AADAT: variants seen among roughly 807,000 people sequenced by gnomAD.
The protein encoded by AADAT is aminoadipate aminotransferase.
Under a neutral mutation model 56.2 loss-of-function variants are expected in AADAT, and 25 were observed. That is an observed-to-expected ratio of 0.44 (90% CI 0.32 to 0.62). The LOEUF (loss-of-function observed/expected upper bound fraction) is 0.62. Ranked by LOEUF, AADAT falls within the 20% of genes least tolerant of loss-of-function variation. AADAT has a pLI of 0.04. For synonymous variants in AADAT, 173 were observed against 164.7 expected (o/e 1.05, Z -0.39); for missense variants, 387 against 510.5 (o/e 0.76, Z 2.33).
chr4:170,085,529 C>T (rs182836111), intron 3 of AADAT, among the ~76,000 whole-genome samples: 5 of 152,232 alleles, frequency 3.3e-5, no homozygotes, highest in Admixed American at 1.3e-4. Flanking sequence ...AAGTTATTGA[C>T]GTATTTAGCA....
chr4:170,071,281 T>A (rs189144289), intron 5 of AADAT, among the ~76,000 whole-genome samples: 13 of 152,274 alleles, frequency 8.5e-5, no homozygotes, highest in African/African-American at 2.9e-4. Context: ...AGGGTAGCTA[T>A]TTCAGGTTCA....
intron 3 of AADAT, among the ~76,000 whole-genome samples, chr4:170,083,346 C>T (rs1585904): frequency 0.034 from 5,236 of 151,940 alleles, 316 homozygotes; most frequent in African/African-American, 0.12. Context: ...AAAATGGAAA[C>T]GCAATATACT....
rs1581602420 is a variant in AADAT, at chr4:170,089,783, A to C, written c.-93T>G. 1.6e-6 allele frequency: 2 copies of C among 1,286,272 alleles called. No individual in the cohort carries two copies. Among genetic ancestry groups the C allele is most frequent in the Admixed American group, 1.9e-5 (1 of 52,460 alleles). The allele number at this position is 1,286,272 out of a possible 1,614,324, so 79.7% of individuals were successfully genotyped here. A position where few individuals can be genotyped will look rare whatever the true frequency, so the allele number is the denominator to read the frequency against. On this transcript the variant is annotated 5_prime_UTR_variant, in exon 1 of 13. Coordinates refer to ENST00000337664, the MANE Select transcript of AADAT (RefSeq NM_016228.4). ...GTCAAGTCCTGCCTGCTAACTCCTC[A>C]CTCTGGCAACGCCACCGCGAGATGT...
intron 6 of AADAT, among the ~76,000 whole-genome samples, chr4:170,069,887 C>A (rs906602728): frequency 1.6e-4 from 25 of 151,994 alleles, no homozygotes; most frequent in African/African-American, 6.0e-4. Flanking sequence ...TTCTTTGCAG[C>A]CCTAAGAGCA....
chr4:170,083,488 G>A (rs1732411950), intron 3 of AADAT, among the ~76,000 whole-genome samples: 1 of 152,038 alleles, frequency 6.6e-6, no homozygotes, highest in African/African-American at 2.4e-5. Flanking sequence ...ACAACCTACA[G>A]GAGAGGAGAA....
rs373520837 is a variant in AADAT, at chr4:170,087,201, T to C, written c.284A>G (p.His95Arg). ...TGGGTAATGGATGGTAGGAGGATTA[T>C]GCAATTTTATTTGTAACTGTTTTAG... ...SWLKQLQIKL[H>R]NPPTIHYPPS... Residue 95 changes from histidine (H) to arginine (R), a missense_variant, in exon 3 of 13, where the codon CAT becomes CGT. Transcript: ENST00000337664. 1.9e-6 allele frequency: 3 copies of C among 1,614,170 alleles called. No homozygotes were observed. The highest frequency in any genetic ancestry group is 2.5e-6 in the Non-Finnish European group (3 of 1,180,026).
chr4:170,063,987 T>G (rs1327139940), intron 11 of AADAT, among the ~76,000 whole-genome samples: 1 of 151,862 alleles, frequency 6.6e-6, no homozygotes, highest in Non-Finnish European at 1.5e-5. Flanking sequence ...GAATACATTC[T>G]ATGAGCTAAT....
At chr4:170,089,285 T>C (rs568897960) in intron 1 of AADAT, 9 of 520,400 alleles carry the variant, frequency 1.7e-5, no homozygotes, top group Non-Finnish European at 2.6e-5. Context: ...TGTACACCCA[T>C]CTGCACGCTG....
intron 3 of AADAT, among the ~76,000 whole-genome samples, chr4:170,082,867 A>G (rs963868289): frequency 6.6e-6 from 1 of 152,032 alleles, no homozygotes; most frequent in Non-Finnish European, 1.5e-5. Flanking sequence ...TCAATTCAGC[A>G]AGATAATACA....
At chr4:170,084,928 GCA>G (rs375821421) in intron 3 of AADAT, among the ~76,000 whole-genome samples, 9 of 152,088 alleles carry the variant, frequency 5.9e-5, no homozygotes, top group Admixed American at 1.3e-4. Context: ...TCACTTACAC[GCA>G]CAGTTTCTTC....
chr4:170,074,000 A>G (rs909553858), intron 4 of AADAT, among the ~76,000 whole-genome samples: 2 of 152,110 alleles, frequency 1.3e-5, no homozygotes, highest in African/African-American at 4.8e-5. Context: ...CCTCTGCTCT[A>G]AGATTGACCA....
rs539653417 is a variant in AADAT at position 170,084,927 on chromosome 4, C to T, written c.369+2189G>A. ...TTTGAACTGCACAGGTTCACTTACACGCACAGTTTCTTCTGCCTCTGCCTC... is the reference window on the plus strand; with the variant it reads ...TTTGAACTGCACAGGTTCACTTACATGCACAGTTTCTTCTGCCTCTGCCTC... On this transcript the variant is annotated intron_variant, in intron 3 of 12. Transcript: ENST00000337664. Among the ~76,000 whole-genome samples the T allele has an allele frequency of 4.6e-5, 7 of 152,172 alleles. No individual in the cohort carries two copies. The South Asian group carries it at 6.2e-4, about 14-fold the overall frequency.
chr4:170,063,448 G>C (rs1731293583), intron 11 of AADAT, among the ~76,000 whole-genome samples: 1 of 152,176 alleles, frequency 6.6e-6, no homozygotes, highest in African/African-American at 2.4e-5. Flanking sequence ...CATATTTTGA[G>C]GATAATGGCA....
chr4:170,074,306 A>C (rs1731934414), intron 4 of AADAT, among the ~76,000 whole-genome samples: 1 of 152,110 alleles, frequency 6.6e-6, no homozygotes, highest in Admixed American at 6.5e-5. Context: ...CCTGTCACCC[A>C]GGTACTGAGC....
At chr4:170,081,557 C>T (rs1406384329) in intron 3 of AADAT, among the ~76,000 whole-genome samples, 2 of 152,118 alleles carry the variant, frequency 1.3e-5, no homozygotes, top group Middle Eastern at 6.8e-3. Flanking sequence ...TGAGAAGCAA[C>T]AAGACAAAAG....
intron 3 of AADAT, among the ~76,000 whole-genome samples, chr4:170,084,248 T>C (rs923937143): frequency 2.0e-5 from 3 of 151,942 alleles, no homozygotes; most frequent in Admixed American, 6.6e-5. Flanking sequence ...AGGAGGGAGA[T>C]AGGGTGAAGG....
At chr4:170,086,261 A>C (rs1561024750) in intron 3 of AADAT, among the ~76,000 whole-genome samples, 1 of 151,852 alleles carries the variant, frequency 6.6e-6, no homozygotes, top group Non-Finnish European at 1.5e-5. Context: ...AAAAAAAAGA[A>C]AGAAAAGAAA....
upstream of AADAT, chr4:170,090,585 C>T (rs1432401415): frequency 1.3e-5 from 2 of 152,040 alleles, no homozygotes; most frequent in African/African-American, 2.4e-5. Context: ...TAGTGTCTAC[C>T]CTCACATTGA....
rs998293110 is a variant in AADAT, at chr4:170,084,376, T to A, written c.369+2740A>T. On this transcript the variant is annotated intron_variant, in intron 3 of 12. Transcript: ENST00000337664. ...CAGAAAAAATTAAAAATTAATTTTT[T>A]AAAATAAAATGGATGGGGAGATCAA... 1.1e-3 allele frequency among the ~76,000 whole-genome samples: 171 copies of A among 152,190 alleles called. 4 individuals are homozygous for A. Among genetic ancestry groups the A allele is most frequent in the Non-Finnish European group, 1.3e-3 (91 of 68,014 alleles).
Sources: allele counts gnomAD v4.1 joint callset (sites outside exome capture counted in the v4.1 genomes callset), GRCh38; gene constraint gnomAD v4.1.1; transcripts MANE v1.5; gene names NCBI Gene and HGNC (gene_info 2026-07-23, HGNC 2026-07-21).